The following MACROD2 variants were observed in gnomAD, a reference collection of about 807,000 sequenced individuals.
MACROD2 encodes the protein mono-ADP ribosylhydrolase 2, also known as ADP-ribose glycohydrolase MACROD2.
In MACROD2, 36 loss-of-function variants were observed where a neutral mutation model predicts 70.4. The ratio of observed to expected loss-of-function variants is 0.51; its 90% confidence interval spans 0.39 to 0.68. The LOEUF (loss-of-function observed/expected upper bound fraction) is 0.68, where lower values mean the gene tolerates loss of function less well. Ranked by LOEUF, MACROD2 falls within the 30% of genes least tolerant of loss-of-function variation. MACROD2 has a pLI of 0.00. For missense variants in MACROD2, 496 were observed against 538.4 expected, an observed-to-expected ratio of 0.92 and a Z score of 0.78; for synonymous variants, 172 against 178.8, an observed-to-expected ratio of 0.96 and a Z score of 0.30.
chr20:14,496,864 A>AT (rs1457129331), intron 4 of MACROD2, among the ~76,000 whole-genome samples: 1 of 151,586 alleles, frequency 6.6e-6, no homozygotes, highest in East Asian at 1.9e-4. Flanking sequence ...AGTTCCGTTA[A>AT]TTTTTTTGAC....
intron 6 of MACROD2, among the ~76,000 whole-genome samples, chr20:15,285,278 A>G (rs889272644): frequency 7.2e-5 from 11 of 152,224 alleles, no homozygotes; most frequent in Admixed American, 2.0e-4. Context: ...TAGAAATGTA[A>G]GTGAAGTTTG....
intron 11 of MACROD2, among the ~76,000 whole-genome samples, chr20:15,935,111 G>A (rs2065639241): frequency 6.6e-6 from 1 of 152,164 alleles, no homozygotes; most frequent in African/African-American, 2.4e-5. Flanking sequence ...ATTTGCCTGT[G>A]TTTGATTTAT....
At chr20:14,024,705 C>A (rs1263566317) in intron 2 of MACROD2, among the ~76,000 whole-genome samples, 1 of 152,212 alleles carries the variant, frequency 6.6e-6, no homozygotes, top group Non-Finnish European at 1.5e-5. Context: ...ACCAGCCTTG[C>A]ATCACAGGGA....
In MACROD2 at chr20:15,048,463, TA is replaced by T. The variant is rs34212655; in HGVS notation, c.419-181465del. Among the ~76,000 whole-genome samples the T allele has an allele frequency of 1.3e-3, 192 of 145,372 alleles. 1 individual carries two copies. The highest frequency in any genetic ancestry group is 2.2e-3 in the African/African-American group (85 of 39,430). ...TCCTCTCATTCTTTTTACTTTTCTG[TA>T]AAAAAAAAAAATGAGTATAGTATCT... is the stretch of plus-strand genomic sequence containing the variant. On this transcript the variant is annotated intron_variant, in intron 5 of 17. Coordinates refer to ENST00000684519, the MANE Select transcript of MACROD2 (RefSeq NM_001351661.2).
intron 3 of MACROD2, among the ~76,000 whole-genome samples, chr20:14,304,692 C>T (rs927281738): frequency 5.3e-5 from 8 of 152,076 alleles, no homozygotes; most frequent in African/African-American, 1.9e-4. Flanking sequence ...ATCCAGCCAT[C>T]TACTCCACAC....
intron 5 of MACROD2, among the ~76,000 whole-genome samples, chr20:14,854,865 A>T (rs955643516): frequency 6.6e-6 from 1 of 152,042 alleles, no homozygotes; most frequent in East Asian, 1.9e-4. Context: ...AATTACAGAA[A>T]ATTAGCCGGG....
chr20:14,490,956 C>A (rs150105025), intron 3 of MACROD2, among the ~76,000 whole-genome samples: 1 of 152,252 alleles, frequency 6.6e-6, no homozygotes, highest in East Asian at 1.9e-4. Context: ...TTATTAGATG[C>A]AGGCCAAACC....
chr20:14,457,600 T>A (rs2084318506), intron 3 of MACROD2, among the ~76,000 whole-genome samples: 2 of 152,100 alleles, frequency 1.3e-5, no homozygotes, highest in African/African-American at 4.8e-5. Context: ...GAACAATAAC[T>A]TTTATTATTT....
chr20:15,610,563 T>C (rs1410088406), intron 8 of MACROD2, among the ~76,000 whole-genome samples: 1 of 152,152 alleles, frequency 6.6e-6, no homozygotes, highest in Non-Finnish European at 1.5e-5. Flanking sequence ...CAGAGATGCA[T>C]CCAGGATGAT....
intron 2 of MACROD2, among the ~76,000 whole-genome samples, chr20:14,062,150 G>C (rs1413650685): frequency 6.6e-6 from 1 of 152,158 alleles, no homozygotes; most frequent in East Asian, 1.9e-4. Context: ...TTCTATTATT[G>C]TTCACTAAAA....
chr20:14,342,741 T>TAA (rs770538865), intron 3 of MACROD2, among the ~76,000 whole-genome samples: 29 of 152,318 alleles, frequency 1.9e-4, no homozygotes, highest in Admixed American at 3.9e-4. Context: ...TAGTCAACAC[T>TAA]TAAAATGTAC....
chr20:14,912,530 C>T (rs1310225403), intron 5 of MACROD2, among the ~76,000 whole-genome samples: 1 of 152,094 alleles, frequency 6.6e-6, no homozygotes, highest in Non-Finnish European at 1.5e-5. Context: ...TCTAGTATTT[C>T]TCCTAACACG....
chr20:14,517,182 T>TTATA (rs1313649955), intron 4 of MACROD2, among the ~76,000 whole-genome samples: 2 of 152,148 alleles, frequency 1.3e-5, no homozygotes, highest in African/African-American at 4.8e-5. Context: ...GCAATCCCAT[T>TTATA]ACTGGGTATA....
chr20:15,155,558 G>C (rs2076301315), intron 5 of MACROD2, among the ~76,000 whole-genome samples: 1 of 152,082 alleles, frequency 6.6e-6, no homozygotes, highest in Admixed American at 6.5e-5. Context: ...ACTCTTCCTA[G>C]TGATGTCAGG....
At chr20:15,588,017 G>T (rs933497667) in intron 8 of MACROD2, among the ~76,000 whole-genome samples, 11 of 152,190 alleles carry the variant, frequency 7.2e-5, no homozygotes, top group Non-Finnish European at 1.0e-4. Context: ...CTTCCACATT[G>T]CACTAGCAGA....
intron 3 of MACROD2, among the ~76,000 whole-genome samples, chr20:14,431,879 A>G (rs1053288256): frequency 1.3e-5 from 2 of 152,146 alleles, no homozygotes; most frequent in East Asian, 1.9e-4. Context: ...CTCTGTTGCA[A>G]TTACCTCTAA....
rs117332992 is a variant in MACROD2 at position 14,892,209 on chromosome 20, C to T, written c.418+207250C>T. ...AAATGTGGGCTGGCATGGTGGCTCA[C>T]GCCTATAATCCCAGCACTTTGGGAG... On this transcript the variant is annotated intron_variant, in intron 5 of 17. Coordinates refer to ENST00000684519, the MANE Select transcript of MACROD2 (RefSeq NM_001351661.2). 3.1e-3 allele frequency among the ~76,000 whole-genome samples: 475 copies of T among 152,212 alleles called. 2 individuals are homozygous for T. The highest frequency in any genetic ancestry group is 0.014 in the Middle Eastern group (4 of 294).
intron 15 of MACROD2, among the ~76,000 whole-genome samples, chr20:16,035,688 A>G (rs933328504): frequency 6.6e-6 from 1 of 152,022 alleles, no homozygotes; most frequent in Non-Finnish European, 1.5e-5. Flanking sequence ...ATCTCAAACC[A>G]TCTTCAACCT....
At chr20:15,556,719 C>T (rs1275331789) in intron 8 of MACROD2, among the ~76,000 whole-genome samples, 4 of 152,156 alleles carry the variant, frequency 2.6e-5, no homozygotes, top group Admixed American at 6.5e-5. Context: ...CCTGTGATTA[C>T]AGTTTTCTTA....
Sources: gnomAD v4.1 joint callset for allele counts (sites outside exome capture counted in the v4.1 genomes callset) on GRCh38, gnomAD v4.1.1 for gene constraint, MANE v1.5 for transcripts, NCBI Gene and HGNC (gene_info 2026-07-23, HGNC 2026-07-21) for gene names.